Variants in ZNF480 observed in about 807,000 individuals in gnomAD.
The protein encoded by ZNF480 is zinc finger protein 480.
In ZNF480, 15 loss-of-function variants were observed where a neutral mutation model predicts 14.4. The ratio of observed to expected loss-of-function variants is 1.04; its 90% CI spans 0.70 to 1.60. The LOEUF is 1.60. ZNF480 is among the 40% of genes most tolerant of loss of function. The pLI is 0.00. For missense variants in ZNF480, 593 were observed against 629.7 expected (o/e 0.94, Z 0.62); for synonymous variants, 218 against 215.5 (o/e 1.01, Z -0.10).
intron 2 of ZNF480, among the ~76,000 whole-genome samples, chr19:52,310,439 T>C (rs1983215627): frequency 6.6e-6 from 1 of 152,160 alleles, no homozygotes; most frequent in Non-Finnish European, 1.5e-5. Flanking sequence ...ATATACATTT[T>C]TAAATCCAGC....
rs149668479 is a variant in ZNF480, at chr19:52,303,055, T to G, written c.72+2571T>G. On this transcript the variant is annotated intron_variant, in intron 2 of 4. Coordinates refer to ENST00000595962, the MANE Select transcript of ZNF480 (RefSeq NM_144684.4). ...CTGTTGAAATCATAACTGAGCATTT[T>G]TAATTGTGTGGAATGGACTACATAT... 1.7e-3 allele frequency among the ~76,000 whole-genome samples: 254 copies of G among 152,324 alleles called. 4 individuals are homozygous for G. The East Asian group carries it at 0.024, about 14-fold the overall frequency.
chr19:52,302,514 T>C (rs969386076), intron 2 of ZNF480, among the ~76,000 whole-genome samples: 1 of 152,196 alleles, frequency 6.6e-6, no homozygotes, highest in Non-Finnish European at 1.5e-5. Context: ...TTGGGTGTTA[T>C]CTGTTTTAAT....
chr19:52,319,142 G>A (rs964090408), intron 4 of ZNF480, among the ~76,000 whole-genome samples: 3 of 152,074 alleles, frequency 2.0e-5, no homozygotes, highest in Non-Finnish European at 4.4e-5. Flanking sequence ...GAGATTACAG[G>A]TGTGAGCCAC....
In ZNF480 at chr19:52,297,191, G is replaced by A. The variant is rs1193725375; in HGVS notation, c.-52G>A. The A allele has an allele frequency of 9.3e-6, 4 of 430,524 alleles. No individual in the cohort carries two copies. Among genetic ancestry groups the A allele is most frequent in the Admixed American group, 7.5e-5 (3 of 39,854 alleles). The allele number at this position is 430,524 out of a possible 1,614,324, so 26.7% of individuals were successfully genotyped here. On this transcript the variant is annotated 5_prime_UTR_variant, in exon 1 of 5. Coordinates refer to ENST00000595962, the MANE Select transcript of ZNF480 (RefSeq NM_144684.4). ...CGCAGTTTCCCACAAACCCGGAAGC[G>A]GATCGCGTGGAGTGAAGGTCACGCC... is the stretch of plus-strand genomic sequence containing the variant.
intron 4 of ZNF480, among the ~76,000 whole-genome samples, chr19:52,320,644 T>C (rs995015302): frequency 2.0e-5 from 3 of 151,996 alleles, no homozygotes; most frequent in Non-Finnish European, 4.4e-5. Flanking sequence ...ATACAAAAAT[T>C]AGCTGAGCAT....
At chr19:52,307,694 A>T (rs1983010108) in intron 2 of ZNF480, 2 of 152,354 alleles carry the variant, frequency 1.3e-5, no homozygotes, top group South Asian at 4.1e-4. Flanking sequence ...TAGATTATAG[A>T]TTAACTAAAA....
intron 2 of ZNF480, chr19:52,300,746 C>T (rs1318108734): frequency 3.6e-6 from 2 of 558,872 alleles, no homozygotes; most frequent in Non-Finnish European, 6.3e-6. Flanking sequence ...GAGCTGCGAA[C>T]AGGGTTTGAC....
At chr19:52,311,050 C>CTTATTT (rs1983260164) in intron 2 of ZNF480, among the ~76,000 whole-genome samples, 1 of 146,870 alleles carries the variant, frequency 6.8e-6, no homozygotes, top group Non-Finnish European at 1.5e-5. Context: ...GAGATATTTT[C>CTTATTT]TGTGACTTAT....
chr19:52,313,865 G>A (rs964112210), intron 2 of ZNF480: 5 of 403,240 alleles, frequency 1.2e-5, no homozygotes, highest in Non-Finnish European at 2.5e-5. Context: ...TGTAGTCCCA[G>A]CTACTTGGGA....
rs1380003424 is a variant in ZNF480, at chr19:52,322,417, T to C, written c.1167T>C (p.His389=). ...VFIQNSHLAQ[H]WRIHTGEKPY... ...TTCAAAATTCGCACCTAGCACAACATTGGAGAATTCATACAGGAGAGAAAC... is the reference window on the plus strand; with the variant it reads ...TTCAAAATTCGCACCTAGCACAACACTGGAGAATTCATACAGGAGAGAAAC... Residue 389 remains histidine (H), a synonymous_variant, in exon 5 of 5, where the codon CAT becomes CAC. Transcript: ENST00000595962. 5.6e-6 allele frequency: 9 copies of C among 1,613,862 alleles called. No homozygotes were observed. The highest frequency in any genetic ancestry group is 1.6e-4 in the Middle Eastern group (1 of 6,084).
At chr19:52,310,129 C>T (rs1003004253) in intron 2 of ZNF480, among the ~76,000 whole-genome samples, 12 of 151,884 alleles carry the variant, frequency 7.9e-5, no homozygotes, top group Non-Finnish European at 1.6e-4. Context: ...GATCTCAGCT[C>T]ACTGCAACTT....
chr19:52,305,977 T>C (rs894028112), intron 2 of ZNF480, among the ~76,000 whole-genome samples: 1 of 152,206 alleles, frequency 6.6e-6, no homozygotes, highest in Admixed American at 6.5e-5. Context: ...TTTTTCTACA[T>C]TCTTTTTCAA....
At chr19:52,319,214 C>G (rs1983692037) in intron 4 of ZNF480, among the ~76,000 whole-genome samples, 1 of 152,134 alleles carries the variant, frequency 6.6e-6, no homozygotes, top group African/African-American at 2.4e-5. Context: ...GTTACCAGTA[C>G]TGTCTGGAAT....
At chr19:52,300,663 T>A (rs1982648004) in intron 2 of ZNF480, 179 bp downstream of exon 2, 4 of 1,031,178 alleles carry the variant, frequency 3.9e-6, no homozygotes, top group South Asian at 1.6e-5. Flanking sequence ...CTAGTGGCAC[T>A]AGAGGAATTA....
chr19:52,304,764 C>T (rs868379770), intron 2 of ZNF480, among the ~76,000 whole-genome samples: 1 of 152,050 alleles, frequency 6.6e-6, no homozygotes, highest in East Asian at 1.9e-4. Context: ...CTCCCCATTG[C>T]TGTAATAAAT....
At chr19:52,320,238 T>C (rs531761951) in intron 4 of ZNF480, among the ~76,000 whole-genome samples, 240 of 152,334 alleles carry the variant, frequency 1.6e-3, no homozygotes, top group African/African-American at 5.6e-3. Flanking sequence ...CCAGAATGTT[T>C]TTTGTTTCCT....
Position 52,322,332 on chromosome 19 carries a change from A to T in ZNF480, c.1082A>T (p.His361Leu). Reference sequence around the variant, plus strand: ...TATAGGATTGCGCTCCTTGTACGACATCAGAAAATTCATACTGGAGAGAAA... The same window carrying T: ...TATAGGATTGCGCTCCTTGTACGACTTCAGAAAATTCATACTGGAGAGAAA... Reference protein sequence around the residue: ...AFYRIALLVRHQKIHTGEKPY... With the variant: ...AFYRIALLVRLQKIHTGEKPY... The change falls in exon 5 of 5, where the codon CAT (histidine) becomes CTT (leucine). Residue 361 changes from histidine to leucine, a missense_variant. By Grantham distance (99) the His-to-Leu change is moderately conservative. Transcript: ENST00000595962. The T allele has an allele frequency of 6.2e-7, 1 of 1,614,040 alleles. No individual in the cohort carries two copies. Among genetic ancestry groups the T allele is most frequent in the South Asian group, 1.1e-5 (1 of 91,080 alleles).
intron 2 of ZNF480, among the ~76,000 whole-genome samples, chr19:52,308,001 C>T (rs375158076): frequency 3.9e-5 from 6 of 152,194 alleles, no homozygotes; most frequent in Non-Finnish European, 5.9e-5. Flanking sequence ...TTGCCAGCAC[C>T]GCAGTCCTTC....
Position 52,324,815 on chromosome 19 carries a change from A to C in ZNF480, c.*1957A>C, listed in dbSNP as rs1386167321. 3 of 152,192 alleles carry C rather than the reference A, an allele frequency of 2.0e-5. No homozygotes were observed. The highest frequency in any genetic ancestry group is 4.4e-5 in the Non-Finnish European group (3 of 68,034). The allele number at this position is 152,192 out of a possible 1,614,324, so 9.4% of individuals were successfully genotyped here. A position where few individuals can be genotyped will look rare whatever the true frequency, so the allele number is the denominator to read the frequency against. On this transcript the variant is annotated 3_prime_UTR_variant, in exon 5 of 5. Coordinates refer to ENST00000595962, the MANE Select transcript of ZNF480 (RefSeq NM_144684.4). ...ATTAAAGACTTAAATATAAAACCTA[A>C]AAGTATTAAATTCCTAGAAGAAAAC... is the stretch of plus-strand genomic sequence containing the variant.
Sources: gnomAD v4.1 joint callset for allele counts (sites outside exome capture counted in the v4.1 genomes callset) on GRCh38, gnomAD v4.1.1 for gene constraint, MANE v1.5 for transcripts, NCBI Gene and HGNC (gene_info 2026-07-23, HGNC 2026-07-21) for gene names.